ARHGAP45: variants seen among roughly 807,000 people sequenced by gnomAD.
ARHGAP45 encodes the protein Rho GTPase activating protein 45, also known as rho GTPase-activating protein 45.
Under a neutral mutation model 116.1 loss-of-function variants are expected in ARHGAP45, and 56 were observed. That is an observed-to-expected ratio of 0.48 (90% CI 0.39 to 0.60). The LOEUF (loss-of-function observed/expected upper bound fraction) is 0.60, where lower values mean the gene tolerates loss of function less well. Ranked by LOEUF, ARHGAP45 falls within the 20% of genes least tolerant of loss-of-function variation. The pLI is 0.00. For missense variants in ARHGAP45, 1,622 were observed against 1,601.0 expected (o/e 1.01, Z -0.22); for synonymous variants, 866 against 701.7 (o/e 1.23, Z -3.70).
chr19:1,067,429 G>A lies in ARHGAP45; in HGVS notation c.24G>A (p.Glu8=). ...TCATGTTCTCCAGGAAGAAACGAGA[G>A]CTCATGAAAACCCCTTCCATCTCGA... MFSRKKR[E]LMKTPSISKK... is the part of the protein sequence containing the mutation. The change falls in exon 1 of 23, where the codon GAG becomes GAA. Residue 8 remains glutamate, a synonymous_variant. Coordinates refer to ENST00000313093, the MANE Select transcript of ARHGAP45 (RefSeq NM_012292.5). The A allele has an allele frequency of 6.2e-7, 1 of 1,602,242 alleles. No individual in the cohort carries two copies. The highest frequency in any genetic ancestry group is 8.5e-7 in the Non-Finnish European group (1 of 1,174,952).
In ARHGAP45 at chr19:1,071,499, G is replaced by T. The variant is rs1387702116; in HGVS notation, c.422-1650G>T. ...GCGCACCTGGGCATCCCTGCGCTGCGCAGGGGTCGCGCCGGCCGCCGGCTT... is the reference window on the plus strand; with the variant it reads ...GCGCACCTGGGCATCCCTGCGCTGCTCAGGGGTCGCGCCGGCCGCCGGCTT... On this transcript the variant is annotated intron_variant, in intron 2 of 22. Transcript: ENST00000313093. The surrounding 1 kb of genome is among the most constrained non-coding windows in gnomAD (Gnocchi z 4.6). 1 of 619,438 alleles carries T rather than the reference G, an allele frequency of 1.6e-6. No individual in the cohort carries two copies. Among genetic ancestry groups the T allele is most frequent in the African/African-American group, 2.0e-5 (1 of 49,930 alleles). The allele number at this position is 619,438 out of a possible 1,614,324, so 38.4% of individuals were successfully genotyped here. A position where few individuals can be genotyped will look rare whatever the true frequency, so the allele number is the denominator to read the frequency against.
Position 1,067,276 on chromosome 19 carries a change from C to G in ARHGAP45, c.-130C>G, listed in dbSNP as rs2144999157. On this transcript the variant is annotated 5_prime_UTR_variant, in exon 1 of 23. Transcript: ENST00000313093. ...GGAGGGCCCGCCAGTGACGGCCGGG[C>G]CTGTCACGTGGGCCTGACAGCTGGG... 3.6e-6 allele frequency: 5 copies of G among 1,406,954 alleles called. No homozygotes were observed. The highest frequency in any genetic ancestry group is 1.6e-5 in the South Asian group (1 of 62,160). The allele number at this position is 1,406,954 out of a possible 1,614,324, so 87.2% of individuals were successfully genotyped here. A position where few individuals can be genotyped will look rare whatever the true frequency, so the allele number is the denominator to read the frequency against.
Position 1,073,135 on chromosome 19 carries a change from ACT to A in ARHGAP45, c.422-10_422-9del. ...GGGCCCTACCCCACTGCTCACTCCG[ACT>A]CTCCCCAGCAGACCTCCTTGAGGCC... is the stretch of plus-strand genomic sequence containing the variant. On this transcript the variant is annotated splice_polypyrimidine_tract_variant and intron_variant, in intron 2 of 22. Transcript: ENST00000313093. 6.3e-7 allele frequency: 1 copy of A among 1,598,006 alleles called. No individual in the cohort carries two copies. Among genetic ancestry groups the A allele is most frequent in the African/African-American group, 1.3e-5 (1 of 74,138 alleles).
At position 1,071,431 on chromosome 19, in the gene ARHGAP45, C is replaced by T. The variant is rs954905197; in HGVS notation, c.422-1718C>T. ...CGTGGCGCTCGGGCCGTTTGCCGCC[C>T]GCGGTGGGGGAGCAGCGGCTGCCGC... is the stretch of plus-strand genomic sequence containing the variant. On this transcript the variant is annotated intron_variant, in intron 2 of 22. Coordinates refer to ENST00000313093, the MANE Select transcript of ARHGAP45 (RefSeq NM_012292.5). This position sits in a 1 kb window ranked among gnomAD's most constrained non-coding sequence, Gnocchi z 4.6. The T allele has an allele frequency of 6.5e-6, 7 of 1,069,618 alleles. No homozygotes were observed. The highest frequency in any genetic ancestry group is 3.4e-5 in the African/African-American group (2 of 58,474). The allele number at this position is 1,069,618 out of a possible 1,614,324, so 66.3% of individuals were successfully genotyped here.
chr19:1,082,819 C>T, intron 19 of ARHGAP45, 21 bp from the exon 20 acceptor site: 1 of 1,469,736 alleles, frequency 6.8e-7, no homozygotes, highest in South Asian at 1.4e-5. Context: ...CCAACACCTG[C>T]TGACCCTTGA....
intron 1 of ARHGAP45, 174 bp downstream of exon 1, chr19:1,067,669 C>T: frequency 1.4e-6 from 1 of 731,828 alleles, no homozygotes; most frequent in Non-Finnish European, 2.4e-6. Context: ...CGGCATTCAG[C>T]TCACGGTAGG....
In ARHGAP45 at chr19:1,081,675, C is replaced by T. The variant is rs776535961; in HGVS notation, c.2316C>T (p.Asp772=). ...GCCACGCGGCCCGCAGCGCCCCCGA[C>T]GGCGTGCCCTTCATCGTCAAGAAGT... ...DFSHAARSAP[D]GVPFIVKKCV... is the part of the protein sequence containing the mutation. Residue 772 remains aspartate, a synonymous_variant, in exon 18 of 23, where the codon GAC becomes GAT. Transcript: ENST00000313093. The T allele has an allele frequency of 6.9e-6, 11 of 1,586,048 alleles. No homozygotes were observed. Among genetic ancestry groups the T allele is most frequent in the Non-Finnish European group, 9.4e-6 (11 of 1,166,980 alleles).
chr19:1,073,444 C>G, intron 3 of ARHGAP45, 62 bp from the exon 4 acceptor site: 1 of 1,581,226 alleles, frequency 6.3e-7, no homozygotes. Flanking sequence ...CCGGTCAGTT[C>G]TTGCAGGGAT....
Position 1,085,977 on chromosome 19 carries a change from T to A in ARHGAP45, c.3382T>A (p.Cys1128Ser). The A allele has an allele frequency of 1.9e-6, 3 of 1,612,672 alleles. No individual in the cohort carries two copies. Among genetic ancestry groups the A allele is most frequent in the Non-Finnish European group, 2.5e-6 (3 of 1,179,804 alleles). ...LRGGRMTLGS[C>S]RERQPEFV ...TGGCGGGCGGATGACACTGGGCTCC[T>A]GCAGGGAAAGGCAGCCGGAATTCGT... Residue 1128 changes from cysteine (C) to serine (S), a missense_variant, in exon 23 of 23, where the codon TGC becomes AGC. This residue lies in a region of ARHGAP45 where 1,334 missense variants were observed against 1,263.8 expected (regional missense o/e 1.06). Transcript: ENST00000313093.
chr19:1,080,403 G>A (rs765201193), intron 14 of ARHGAP45, 24 bp downstream of exon 14: 3 of 1,608,848 alleles, frequency 1.9e-6, no homozygotes, highest in Admixed American at 3.4e-5. Flanking sequence ...GGGGCCCAGG[G>A]GCGGACGCTG....
rs1321944650 is a variant in ARHGAP45, at chr19:1,070,502, TTTTC to T, written c.421+1766_421+1769del. Among the ~76,000 whole-genome samples the T allele has an allele frequency of 5.2e-5, 7 of 133,354 alleles. No individual in the cohort carries two copies. The South Asian group carries it at 6.8e-4, about 13-fold the overall frequency. 87.5% of individuals were successfully genotyped at this position (133,354 alleles called of 152,430 possible). A position where few individuals can be genotyped will look rare whatever the true frequency, so the allele number is the denominator to read the frequency against. On this transcript the variant is annotated intron_variant, in intron 2 of 22. Transcript: ENST00000313093. ...CGCGCCACCGTGCCCGGCTAATTTT[TTTTC>T]TTTCTTTTTTTTTTTTTTTTAGTAG...
intron 2 of ARHGAP45, among the ~76,000 whole-genome samples, chr19:1,072,055 TTTC>T (rs1294670830): frequency 2.9e-5 from 4 of 137,864 alleles, no homozygotes; most frequent in Non-Finnish European, 6.7e-5. Context: ...CTTTTCTTTC[TTTC>T]TTTTCTTTCC....
chr19:1,077,819 T>C (rs373525888), intron 10 of ARHGAP45, 38 bp from the exon 11 acceptor site: 40 of 1,550,392 alleles, frequency 2.6e-5, no homozygotes, highest in Non-Finnish European at 3.1e-5. Flanking sequence ...CATCCGAGGA[T>C]AGGGTTGGAA....
In ARHGAP45 at chr19:1,069,428, C is replaced by T. The variant is rs1315166407; in HGVS notation, c.421+684C>T. On this transcript the variant is annotated intron_variant, in intron 2 of 22. Coordinates refer to ENST00000313093, the MANE Select transcript of ARHGAP45 (RefSeq NM_012292.5). This position sits in a 1 kb window ranked among gnomAD's most constrained non-coding sequence, Gnocchi z 4.1. ...GTGCTGCCTTCAGCCCCCGGCTCCT[C>T]CCAGAAACCACAGTGCCAGGGTCAT... Among the ~76,000 whole-genome samples the T allele has an allele frequency of 6.6e-6, 1 of 152,252 alleles. No homozygotes were observed. The highest frequency in any genetic ancestry group is 1.5e-5 in the Non-Finnish European group (1 of 68,046).
chr19:1,080,816 G>GA (rs774356048), intron 16 of ARHGAP45, 30 bp downstream of exon 16: 16 of 1,611,946 alleles, frequency 9.9e-6, no homozygotes, highest in Non-Finnish European at 1.4e-5. Flanking sequence ...GCTGGAGAGA[G>GA]AGGGGGGTTT....
intron 22 of ARHGAP45, among the ~76,000 whole-genome samples, chr19:1,085,068 A>T (rs2079158): frequency 0.87 from 132,395 of 152,140 alleles, 57,873 homozygotes; most frequent in Admixed American, 0.89. Flanking sequence ...GGCAAGAGAG[A>T]GAGACTCTGT....
Position 1,084,255 on chromosome 19 carries a change from G to C in ARHGAP45, c.2973G>C (p.Gln991His), listed in dbSNP as rs1161232446. The C allele has an allele frequency of 1.2e-6, 2 of 1,613,634 alleles. No homozygotes were observed. Among genetic ancestry groups the C allele is most frequent in the African/African-American group, 1.3e-5 (1 of 75,012 alleles). ...TPGGQDESSN[Q>H]RAEVVVQVPY... is the part of the protein sequence containing the mutation. ...ACTTGCAGGACGAGTCATCCAACCA[G>C]CGAGCTGAGGTAGTCGTCCAGGTGC... The change falls in exon 22 of 23, where the codon CAG (glutamine) becomes CAC (histidine). Residue 991 changes from glutamine to histidine, a missense_variant. Around this residue, in one of 3 missense-constraint regions of ARHGAP45, gnomAD observed 1,334 missense variants for 1,263.8 expected, o/e 1.06. Coordinates refer to ENST00000313093, the MANE Select transcript of ARHGAP45 (RefSeq NM_012292.5).
chr19:1,083,334 A>G lies in ARHGAP45; in HGVS notation c.2936A>G (p.Glu979Gly). ...HYGLVFEEEP[E>G]ETPGGQDESS... ...GGCCTGGTCTTCGAGGAGGAGCCGG[A>G]GGAGACCCCCGGGGGCCAGGTGAGG... The change falls in exon 21 of 23, where the codon GAG becomes GGG. Residue 979 changes from glutamate to glycine, a missense_variant. Glu to Gly is a moderately conservative substitution (Grantham distance 98). Around this residue, in one of 3 missense-constraint regions of ARHGAP45, gnomAD observed 1,334 missense variants for 1,263.8 expected, o/e 1.06. Coordinates refer to ENST00000313093, the MANE Select transcript of ARHGAP45 (RefSeq NM_012292.5). 6.4e-7 allele frequency: 1 copy of G among 1,554,712 alleles called. No homozygotes were observed. The highest frequency in any genetic ancestry group is 8.7e-7 in the Non-Finnish European group (1 of 1,151,312).
rs751784690 is a variant in ARHGAP45 at position 1,084,329 on chromosome 19, C to T, written c.3047C>T (p.Ala1016Val). 2.5e-6 allele frequency: 4 copies of T among 1,609,864 alleles called. No homozygotes were observed. Among genetic ancestry groups the T allele is most frequent in the Middle Eastern group, 1.8e-4 (1 of 5,418 alleles). Residue 1016 changes from alanine (A) to valine (V), a missense_variant, in exon 22 of 23, where the codon GCG (alanine) becomes GTG (valine). Around this residue, in one of 3 missense-constraint regions of ARHGAP45, gnomAD observed 1,334 missense variants for 1,263.8 expected, o/e 1.06. Transcript: ENST00000313093. The stretch of plus-strand genomic sequence containing the variant: ...GTGGTCTACCCGCTGCAGGAGGCGG[C>T]GGCGGACGGGTGCAGAGGTGAGTGT... Reference protein sequence around the residue: ...EAVVYPLQEAAADGCRESRVV... With the variant: ...EAVVYPLQEAVADGCRESRVV...
Sources: allele counts gnomAD v4.1 joint callset (sites outside exome capture counted in the v4.1 genomes callset), GRCh38; gene constraint gnomAD v4.1.1; regional missense constraint gnomAD v4.1.1; non-coding constraint Gnocchi (gnomAD v3.1); transcripts MANE v1.5; gene names NCBI Gene and HGNC (gene_info 2026-07-23, HGNC 2026-07-21).